The following ZEB2 variants were observed in gnomAD, a reference collection of about 807,000 sequenced individuals.
The protein encoded by ZEB2 is zinc finger E-box binding homeobox 2.
In ZEB2, 6 loss-of-function variants were observed where a neutral mutation model predicts 99.9. The observed-to-expected ratio is 0.06, with a 90% confidence interval of 0.03 to 0.12. The LOEUF is 0.12. Ranked by LOEUF, ZEB2 falls within the 10% of genes least tolerant of loss-of-function variation. The pLI, the probability that ZEB2 is intolerant of heterozygous loss-of-function variation, is 1.00. For synonymous variants in ZEB2, 517 were observed against 542.5 expected (o/e 0.95, Z 0.65); for missense variants, 969 against 1,502.8 (o/e 0.64, Z 5.87).
At position 144,481,434 on chromosome 2, in the gene ZEB2, C is replaced by T. The variant is rs561229912; in HGVS notation, c.73+35844G>A. ...TTATAGCAACATGGAAATTGTATTT[C>T]TAAAGCCATTATATTAACTCAATTG... On this transcript the variant is annotated intron_variant, in intron 2 of 9. Coordinates refer to ENST00000627532, the MANE Select transcript of ZEB2 (RefSeq NM_014795.4). Among the ~76,000 whole-genome samples the T allele has an allele frequency of 1.5e-3, 230 of 152,240 alleles. 2 individuals are homozygous for T. The highest frequency in any genetic ancestry group is 2.3e-3 in the Admixed American group (35 of 15,284).
At chr2:144,515,637 G>A (rs982751099) in intron 2 of ZEB2, among the ~76,000 whole-genome samples, 2 of 151,900 alleles carry the variant, frequency 1.3e-5, no homozygotes, top group African/African-American at 4.8e-5. Context: ...ACTAAGCCAA[G>A]CAAATAGATC....
chr2:144,476,428 G>A (rs1241140405), intron 2 of ZEB2, among the ~76,000 whole-genome samples: 1 of 152,158 alleles, frequency 6.6e-6, no homozygotes, highest in East Asian at 1.9e-4. Flanking sequence ...TAAAAAGAAT[G>A]AGCAGTAAAT....
At chr2:144,458,161 C>T (rs1704145692) in intron 2 of ZEB2, among the ~76,000 whole-genome samples, 1 of 151,876 alleles carries the variant, frequency 6.6e-6, no homozygotes, top group African/African-American at 2.4e-5. Flanking sequence ...CACACACACA[C>T]CCCAACCACC....
chr2:144,390,201 A>G lies in ZEB2; in HGVS notation c.3068-173T>C, dbSNP rs779244572. Among the ~76,000 whole-genome samples, 20 of 152,174 alleles carry G rather than the reference A, an allele frequency of 1.3e-4. 1 individual carries two copies. The highest frequency in any genetic ancestry group is 2.6e-4 in the Non-Finnish European group (18 of 68,040). ...TAGGAAGATGCATTTCCATCCCACAATTTGGTTTTCTAATGCTTGCTGATG... is the reference window on the plus strand; with the variant it reads ...TAGGAAGATGCATTTCCATCCCACAGTTTGGTTTTCTAATGCTTGCTGATG... On this transcript the variant is annotated intron_variant, in intron 9 of 9. Coordinates refer to ENST00000627532, the MANE Select transcript of ZEB2 (RefSeq NM_014795.4).
At chr2:144,488,951 G>A (rs1704638101) in intron 2 of ZEB2, among the ~76,000 whole-genome samples, 1 of 152,132 alleles carries the variant, frequency 6.6e-6, no homozygotes, top group South Asian at 2.1e-4. Flanking sequence ...ACGATGATTT[G>A]TAATAAGAGG....
chr2:144,502,426 A>C (rs1259983072), intron 2 of ZEB2, among the ~76,000 whole-genome samples: 1 of 152,120 alleles, frequency 6.6e-6, no homozygotes, highest in Non-Finnish European at 1.5e-5. Flanking sequence ...ATGCCATCCC[A>C]CCAACCTTTC....
intron 2 of ZEB2, among the ~76,000 whole-genome samples, chr2:144,488,670 A>AGAGT (rs1704633004): frequency 1.4e-5 from 2 of 148,132 alleles, no homozygotes; most frequent in South Asian, 4.3e-4. Flanking sequence ...CTCGTGTGTG[A>AGAGT]GTGTGTGTGT....
At chr2:144,445,265 C>CTTTTT (rs11287771) in intron 2 of ZEB2, among the ~76,000 whole-genome samples, 18 of 74,190 alleles carry the variant, frequency 2.4e-4, no homozygotes, top group Non-Finnish European at 2.7e-4. Context: ...CTTTCCTCCT[C>CTTTTT]TTTTTTTTTT....
At chr2:144,514,073 C>T (rs1010256139) in intron 2 of ZEB2, 1 of 477,304 alleles carries the variant, frequency 2.1e-6, no homozygotes, top group African/African-American at 2.0e-5. Flanking sequence ...TGACTGCCCG[C>T]TATGGGTTAA....
At chr2:144,400,435 T>G (rs1397192344) in intron 7 of ZEB2, 165 bp from the exon 8 acceptor site, 3 of 770,942 alleles carry the variant, frequency 3.9e-6, no homozygotes, top group East Asian at 5.3e-5. Flanking sequence ...ATTTCTGAAC[T>G]TTATCTGCCC....
At chr2:144,428,129 TAA>T (rs1703713978) in intron 3 of ZEB2, 2 of 152,234 alleles carry the variant, frequency 1.3e-5, no homozygotes, top group Admixed American at 1.3e-4. Flanking sequence ...GAAATTCTAG[TAA>T]TTGGTCCTTA....
rs1703749537 is a variant in ZEB2 at position 144,430,056 on chromosome 2, A to G, written c.74-30T>C. On this transcript the variant is annotated intron_variant, in intron 2 of 9. Transcript: ENST00000627532. ...AGAAGAAGCACAAAACACACTCTCT[A>G]AACACTCTGTTGAGAAACATCAGCC... is the stretch of plus-strand genomic sequence containing the variant. 1.9e-6 allele frequency: 3 copies of G among 1,609,472 alleles called. No individual in the cohort carries two copies. In the South Asian group the frequency reaches 3.3e-5, roughly 18 times the overall value.
chr2:144,471,579 G>A (rs1704357235), intron 2 of ZEB2, among the ~76,000 whole-genome samples: 1 of 150,636 alleles, frequency 6.6e-6, no homozygotes, highest in African/African-American at 2.4e-5. Flanking sequence ...TGCATAAGCT[G>A]TTAGAGAAAA....
At chr2:144,471,791 G>T (rs1198303871) in intron 2 of ZEB2, among the ~76,000 whole-genome samples, 4 of 144,050 alleles carry the variant, frequency 2.8e-5, no homozygotes, top group African/African-American at 5.1e-5. Flanking sequence ...AATCACTTGT[G>T]TTTTTTTTTT....
At chr2:144,506,902 G>T (rs1339311003) in intron 2 of ZEB2, among the ~76,000 whole-genome samples, 1 of 152,134 alleles carries the variant, frequency 6.6e-6, no homozygotes, top group Non-Finnish European at 1.5e-5. Flanking sequence ...AACTATTAAA[G>T]AGAAATCCAT....
chr2:144,517,225 G>A, intron 2 of ZEB2, 53 bp downstream of exon 2: 1 of 1,606,820 alleles, frequency 6.2e-7, no homozygotes, highest in Non-Finnish European at 8.5e-7. Context: ...CCTTCTCCCT[G>A]GGTCTCGAGC....
chr2:144,487,806 T>C (rs1704619732), intron 2 of ZEB2, among the ~76,000 whole-genome samples: 1 of 152,226 alleles, frequency 6.6e-6, no homozygotes, highest in South Asian at 2.1e-4. Context: ...GGTAAAAAGT[T>C]ATTCTGTGAA....
chr2:144,491,342 C>T (rs960126868), intron 2 of ZEB2, among the ~76,000 whole-genome samples: 1 of 131,162 alleles, frequency 7.6e-6, no homozygotes, highest in Non-Finnish European at 1.6e-5. Context: ...CTTCGTCTTT[C>T]GTTTCTTCTC....
At chr2:144,511,062 T>C (rs1279410634) in intron 2 of ZEB2, among the ~76,000 whole-genome samples, 3 of 152,138 alleles carry the variant, frequency 2.0e-5, no homozygotes, top group Non-Finnish European at 4.4e-5. Context: ...ACTACAAAAT[T>C]ATAAAAGTTT....
Sources: gnomAD v4.1 joint callset for allele counts (sites outside exome capture counted in the v4.1 genomes callset) on GRCh38, gnomAD v4.1.1 for gene constraint, MANE v1.5 for transcripts, NCBI Gene and HGNC (gene_info 2026-07-23, HGNC 2026-07-21) for gene names.